Variants in GALNT18 observed in about 807,000 individuals in gnomAD.
GALNT18 encodes the protein polypeptide N-acetylgalactosaminyltransferase 18.
Under a neutral mutation model 69.5 loss-of-function variants are expected in GALNT18, and 44 were observed. The ratio of observed to expected loss-of-function variants is 0.63; its 90% CI spans 0.50 to 0.81. The LOEUF is 0.81. Ranked by LOEUF, GALNT18 falls within the 40% of genes least tolerant of loss-of-function variation. GALNT18 has a pLI of 0.00. For missense variants in GALNT18, 715 were observed against 810.0 expected (o/e 0.88, Z 1.42); for synonymous variants, 364 against 318.2 (o/e 1.14, Z -1.53).
At position 11,404,463 on chromosome 11, in the gene GALNT18, C is replaced by T. The variant is rs1465543073; in HGVS notation, c.596-25199G>A. On this transcript the variant is annotated intron_variant, in intron 3 of 10. Transcript: ENST00000227756. This position sits in a 1 kb window ranked among gnomAD's most constrained non-coding sequence, Gnocchi z 4.5. The stretch of plus-strand genomic sequence containing the variant: ...TGAAGCACTCAAAGGCTGATGTAAG[C>T]CCTGGCCCGGAAGGAGTTAAGGATC... Among the ~76,000 whole-genome samples, 2 of 152,172 alleles carry T rather than the reference C, an allele frequency of 1.3e-5. No individual in the cohort carries two copies. The highest frequency in any genetic ancestry group is 2.9e-5 in the Non-Finnish European group (2 of 68,032).
chr11:11,515,724 C>T (rs139043218), intron 1 of GALNT18, among the ~76,000 whole-genome samples: 10 of 152,284 alleles, frequency 6.6e-5, no homozygotes, highest in South Asian at 2.1e-4. Context: ...GACCTGAACA[C>T]GGGAAAGGAA....
At chr11:11,438,300 C>G (rs554467913) in intron 2 of GALNT18, among the ~76,000 whole-genome samples, 5 of 152,172 alleles carry the variant, frequency 3.3e-5, no homozygotes, top group Admixed American at 6.5e-5. Flanking sequence ...TTCCCATTGG[C>G]CAAGAGAACA....
Position 11,516,429 on chromosome 11 carries a change from C to T in GALNT18, c.236-67493G>A, listed in dbSNP as rs928138985. On this transcript the variant is annotated intron_variant, in intron 1 of 10. Coordinates refer to ENST00000227756, the MANE Select transcript of GALNT18 (RefSeq NM_198516.3). ...GGAAAATCACCTGAGGTTGGGAGTT[C>T]GAGACCAGCCTGGCCAATATGGTGA... Among the ~76,000 whole-genome samples, 7 of 152,192 alleles carry T rather than the reference C, an allele frequency of 4.6e-5. No individual in the cohort carries two copies. The South Asian group carries it at 6.2e-4, about 14-fold the overall frequency.
chr11:11,598,368 T>G lies in GALNT18; in HGVS notation c.235+22991A>C, dbSNP rs1275762128. ...AATCAAGGTGTCAGCAGGGCTATAC[T>G]TCTTTGCAGGCTCTAGAGGAGAATC... is the stretch of plus-strand genomic sequence containing the variant. On this transcript the variant is annotated intron_variant, in intron 1 of 10. Coordinates refer to ENST00000227756, the MANE Select transcript of GALNT18 (RefSeq NM_198516.3). The surrounding 1 kb of genome is among the most constrained non-coding windows in gnomAD (Gnocchi z 4.8). Among the ~76,000 whole-genome samples, 3 of 152,204 alleles carry G rather than the reference T, an allele frequency of 2.0e-5. No homozygotes were observed. The highest frequency in any genetic ancestry group is 4.1e-4 in the South Asian group (2 of 4,830).
chr11:11,321,097 G>A (rs2133038771), intron 9 of GALNT18, among the ~76,000 whole-genome samples: 1 of 152,334 alleles, frequency 6.6e-6, no homozygotes, highest in Non-Finnish European at 1.5e-5. Flanking sequence ...AGCATTCCTG[G>A]CAAGCACAAA....
chr11:11,469,099 A>G lies in GALNT18; in HGVS notation c.236-20163T>C, dbSNP rs1004848452. 6.6e-6 allele frequency among the ~76,000 whole-genome samples: 1 copy of G among 152,180 alleles called. No individual in the cohort carries two copies. Among genetic ancestry groups the G allele is most frequent in the African/African-American group, 2.4e-5 (1 of 41,440 alleles). On this transcript the variant is annotated intron_variant, in intron 1 of 10. Transcript: ENST00000227756. This position sits in a 1 kb window ranked among gnomAD's most constrained non-coding sequence, Gnocchi z 4.2. ...GGCCACCAGGACACAGCACTCTTTA[A>G]CCACGTCACTGTGAATCAGCCAGCT...
Position 11,599,426 on chromosome 11 carries a change from T to C in GALNT18, c.235+21933A>G, listed in dbSNP as rs60786810. On this transcript the variant is annotated intron_variant, in intron 1 of 10. Coordinates refer to ENST00000227756, the MANE Select transcript of GALNT18 (RefSeq NM_198516.3). ...ATTAAATATAGCCCCTCCAGATTTC[T>C]TACAATTACTGTTTGCATTGTGTAT... Among the ~76,000 whole-genome samples the C allele has an allele frequency of 4.6e-3, 706 of 152,170 alleles. 6 individuals carry two copies. The highest frequency in any genetic ancestry group is 0.016 in the African/African-American group (658 of 41,570).
At chr11:11,379,049 G>A (rs1418543932) in intron 4 of GALNT18, 32 bp downstream of exon 4, 2 of 1,538,476 alleles carry the variant, frequency 1.3e-6, no homozygotes, top group African/African-American at 1.4e-5. Context: ...GATCCCACTG[G>A]GACTCCTCCT....
chr11:11,449,026 T>G (rs896819679), intron 1 of GALNT18, 90 bp from the exon 2 acceptor site: 9 of 1,117,210 alleles, frequency 8.1e-6, no homozygotes, highest in Non-Finnish European at 1.1e-5. Context: ...AAACAGCCTT[T>G]GGTAAAACAA....
intron 6 of GALNT18, among the ~76,000 whole-genome samples, chr11:11,349,810 A>AATCTG (rs1217555295): frequency 6.6e-6 from 1 of 152,238 alleles, no homozygotes; most frequent in East Asian, 1.9e-4. Flanking sequence ...ACATTTAAAA[A>AATCTG]ATCTGACAAT....
intron 1 of GALNT18, among the ~76,000 whole-genome samples, chr11:11,577,912 G>T (rs1361182143): frequency 2.0e-5 from 3 of 152,190 alleles, no homozygotes; most frequent in Non-Finnish European, 4.4e-5. Flanking sequence ...AGATTGGCAG[G>T]GGCATTTGGC....
At chr11:11,610,978 C>A (rs370118978) in intron 1 of GALNT18, among the ~76,000 whole-genome samples, 20 of 152,278 alleles carry the variant, frequency 1.3e-4, no homozygotes, top group African/African-American at 4.6e-4. Context: ...AATAGAGAAA[C>A]CAGAAAACCC....
At chr11:11,571,379 G>A (rs1046354729) in intron 1 of GALNT18, among the ~76,000 whole-genome samples, 1 of 152,230 alleles carries the variant, frequency 6.6e-6, no homozygotes, top group Non-Finnish European at 1.5e-5. Context: ...GTCTCAGCAG[G>A]CTGGGAAATG....
chr11:11,271,285 T>A lies in GALNT18; in HGVS notation c.1683A>T (p.Gly561=). ...GCTTAGACTTGCGGTTCTGGATGGG[T>A]CCTCCCTAGGGGCCAGGGCAGACAG... is the stretch of plus-strand genomic sequence containing the variant. The part of the protein sequence containing the change: ...MKLHWQFSQG[G]PIQNRKSKRC... The change falls in exon 11 of 11, where the codon GGA becomes GGT. Residue 561 remains glycine, a synonymous_variant. Coordinates refer to ENST00000227756, the MANE Select transcript of GALNT18 (RefSeq NM_198516.3). The A allele has an allele frequency of 6.2e-7, 1 of 1,613,638 alleles. No individual in the cohort carries two copies. The highest frequency in any genetic ancestry group is 8.5e-7 in the Non-Finnish European group (1 of 1,179,738).
chr11:11,335,339 G>A (rs1202497976), intron 7 of GALNT18, among the ~76,000 whole-genome samples: 2 of 152,138 alleles, frequency 1.3e-5, no homozygotes, highest in Non-Finnish European at 2.9e-5. Flanking sequence ...TGTATTAATT[G>A]ACTTTTGCCT....
In GALNT18 at chr11:11,605,236, T is replaced by C. The variant is rs2133952169; in HGVS notation, c.235+16123A>G. On this transcript the variant is annotated intron_variant, in intron 1 of 10. Coordinates refer to ENST00000227756, the MANE Select transcript of GALNT18 (RefSeq NM_198516.3). The surrounding 1 kb of genome is among the most constrained non-coding windows in gnomAD (Gnocchi z 4.7). ...AGACCCACACTCATGGGTGGGTGAT[T>C]CCCCAGGTGGCCAGCAGATAACTTG... Among the ~76,000 whole-genome samples the C allele has an allele frequency of 6.6e-6, 1 of 152,238 alleles. No individual in the cohort carries two copies. Among genetic ancestry groups the C allele is most frequent in the Admixed American group, 6.5e-5 (1 of 15,298 alleles).
intron 2 of GALNT18, among the ~76,000 whole-genome samples, chr11:11,443,840 C>T (rs1281079317): frequency 2.0e-5 from 3 of 152,220 alleles, no homozygotes; most frequent in Non-Finnish European, 4.4e-5. Flanking sequence ...TGCCCTACTG[C>T]TGCTACAAAA....
chr11:11,378,921 G>C (rs1853840490), intron 4 of GALNT18, among the ~76,000 whole-genome samples, 160 bp downstream of exon 4: 1 of 152,168 alleles, frequency 6.6e-6, no homozygotes, highest in South Asian at 2.1e-4. Context: ...TAAAGGTCCA[G>C]CCTTGTTGCC....
At chr11:11,290,830 C>T (rs1322226697) in intron 10 of GALNT18, among the ~76,000 whole-genome samples, 1 of 152,130 alleles carries the variant, frequency 6.6e-6, no homozygotes, top group Non-Finnish European at 1.5e-5. Context: ...GAAAATGGTC[C>T]CTTGTGACCT....
Sources: allele counts gnomAD v4.1 joint callset (sites outside exome capture counted in the v4.1 genomes callset), GRCh38; gene constraint gnomAD v4.1.1; non-coding constraint Gnocchi (gnomAD v3.1); transcripts MANE v1.5; gene names NCBI Gene and HGNC (gene_info 2026-07-23, HGNC 2026-07-21).